The following CIT variants were observed in gnomAD, a reference collection of about 807,000 sequenced individuals.
CIT encodes citron rho-interacting serine/threonine kinase, also known as citron Rho-interacting kinase.
In CIT, 79 loss-of-function variants were observed where a neutral mutation model predicts 272.7. That is an observed-to-expected ratio of 0.29 (90% CI 0.24 to 0.35). CIT has a LOEUF of 0.35. CIT is among the 10% of genes least tolerant of loss of function. The pLI, the probability that CIT is intolerant of heterozygous loss-of-function variation, is 1.00. For synonymous variants in CIT, 948 were observed against 995.6 expected, an observed-to-expected ratio of 0.95 and a Z score of 0.90; for missense variants, 1,909 against 2,618.3, an observed-to-expected ratio of 0.73 and a Z score of 5.91.
At chr12:119,720,453 C>G (rs756411514) in intron 30 of CIT, 25 bp downstream of exon 30, 3 of 1,528,236 alleles carry the variant, frequency 2.0e-6, no homozygotes, top group Non-Finnish European at 2.7e-6. Context: ...CTGACAATTC[C>G]CACTTTTCAA....
At chr12:119,859,092 T>C in intron 3 of CIT, among the ~76,000 whole-genome samples, 1 of 152,198 alleles carries the variant, frequency 6.6e-6, no homozygotes, top group East Asian at 1.9e-4. Context: ...TCGCTAAATG[T>C]ACGATGACTC....
chr12:119,783,328 T>C (rs764568251), intron 12 of CIT: 2 of 152,294 alleles, frequency 1.3e-5, no homozygotes, highest in Non-Finnish European at 2.9e-5. Flanking sequence ...CTTGAGACTG[T>C]TTAATTGGGC....
intron 46 of CIT, among the ~76,000 whole-genome samples, chr12:119,695,908 T>A (rs968369420): frequency 6.6e-6 from 1 of 152,260 alleles, no homozygotes; most frequent in African/African-American, 2.4e-5. Flanking sequence ...ATAGCTGTTA[T>A]ACTATATTGT....
intron 9 of CIT, among the ~76,000 whole-genome samples, chr12:119,815,863 TG>T (rs1816775237): frequency 6.6e-6 from 1 of 151,950 alleles, no homozygotes; most frequent in South Asian, 2.1e-4. Context: ...GGGCGTGGGG[TG>T]GGAAGGAGGC....
At chr12:119,806,259 C>T (rs1441289337) in intron 9 of CIT, among the ~76,000 whole-genome samples, 4 of 151,486 alleles carry the variant, frequency 2.6e-5, no homozygotes, top group Non-Finnish European at 5.9e-5. Context: ...GACAGCTAGT[C>T]GGTCAAGTAC....
chr12:119,782,812 T>A, intron 12 of CIT, 175 bp from the exon 13 acceptor site: 1 of 662,662 alleles, frequency 1.5e-6, no homozygotes, highest in South Asian at 2.2e-5. Context: ...TAAAACCCCT[T>A]GGTTCAAGAA....
At chr12:119,805,188 T>C (rs1240310698) in intron 9 of CIT, among the ~76,000 whole-genome samples, 2 of 152,194 alleles carry the variant, frequency 1.3e-5, no homozygotes, top group Non-Finnish European at 2.9e-5. Context: ...GGAGAGAGAT[T>C]TGCAGATGAT....
In CIT at chr12:119,784,477, T is replaced by G; in HGVS notation, c.1402-426A>C. ...GGAGATATTTATTCGTCTGCACTCTTAGGAGTCCCAGGCAAGCAGTGACTT... is the reference window on the plus strand; with the variant it reads ...GGAGATATTTATTCGTCTGCACTCTGAGGAGTCCCAGGCAAGCAGTGACTT... On this transcript the variant is annotated intron_variant, in intron 11 of 47. Transcript: ENST00000392521. This position sits in a 1 kb window ranked among gnomAD's most constrained non-coding sequence, Gnocchi z 4.7. The G allele has an allele frequency of 8.4e-7, 1 of 1,192,984 alleles. No homozygotes were observed. 73.9% of individuals were successfully genotyped at this position (1,192,984 alleles called of 1,614,324 possible).
chr12:119,870,426 C>T lies in CIT; in HGVS notation c.97-1225G>A, dbSNP rs146087670. Among the ~76,000 whole-genome samples the T allele has an allele frequency of 7.9e-3, 1,190 of 151,592 alleles. 13 individuals carry two copies. The highest frequency in any genetic ancestry group is 0.027 in the African/African-American group (1,122 of 41,344). ...TTAGCCAGGCGTGGTGGTAGGCACC[C>T]GTAATCCCAGCTACCTGGGAGGTTG... On this transcript the variant is annotated intron_variant, in intron 2 of 47. Coordinates refer to ENST00000392521, the MANE Select transcript of CIT (RefSeq NM_001206999.2).
rs145099937 is a variant in CIT, at chr12:119,710,177, G to A, written c.5071+74C>T. ...TCCTCTCTACTATTTTGTGTTTTAC[G>A]AGCATGAAACGTGGCTTCAACATAT... On this transcript the variant is annotated intron_variant, in intron 39 of 47. Transcript: ENST00000392521. The surrounding 1 kb of genome is among the most constrained non-coding windows in gnomAD (Gnocchi z 5.6). The A allele has an allele frequency of 1.7e-5, 26 of 1,524,712 alleles. No individual in the cohort carries two copies. Among genetic ancestry groups the A allele is most frequent in the South Asian group, 4.9e-5 (4 of 81,212 alleles). 94.4% of individuals were successfully genotyped at this position (1,524,712 alleles called of 1,614,324 possible).
chr12:119,720,910 G>C (rs1038424818), intron 29 of CIT, among the ~76,000 whole-genome samples: 3 of 152,182 alleles, frequency 2.0e-5, no homozygotes, highest in Non-Finnish European at 2.9e-5. Context: ...GCAGCACAAA[G>C]ATACTGACCA....
At chr12:119,689,434 ATATC>A (rs1222450233) in intron 47 of CIT, among the ~76,000 whole-genome samples, 2 of 151,968 alleles carry the variant, frequency 1.3e-5, no homozygotes, top group African/African-American at 2.4e-5. Context: ...GTGTGAATCT[ATATC>A]TATGTTTGAA....
rs1421541277 is a variant in CIT, at chr12:119,710,451, A to AAT, written c.4936-66_4936-65insAT. The AAT allele has an allele frequency of 3.1e-6, 5 of 1,612,864 alleles. No homozygotes were observed. Among genetic ancestry groups the AAT allele is most frequent in the Non-Finnish European group, 4.2e-6 (5 of 1,179,168 alleles). On this transcript the variant is annotated intron_variant, in intron 38 of 47. Transcript: ENST00000392521. This position sits in a 1 kb window ranked among gnomAD's most constrained non-coding sequence, Gnocchi z 5.6. Reference sequence around the variant, plus strand: ...TCACGTCACCAGAACAATCTCTAGTAAGAGCAACAAGGCCTCCACAGCCCT... The same window carrying AAT: ...TCACGTCACCAGAACAATCTCTAGTAATAGAGCAACAAGGCCTCCACAGCCCT...
intron 32 of CIT, among the ~76,000 whole-genome samples, chr12:119,717,467 C>T (rs1593459651): frequency 7.3e-6 from 1 of 137,650 alleles, no homozygotes; most frequent in East Asian, 2.2e-4. Context: ...ATCACCCAGG[C>T]TGGAGTGCAG....
chr12:119,850,457 AGGGAAG>A (rs1463583932), intron 4 of CIT, among the ~76,000 whole-genome samples, 182 bp from the exon 5 acceptor site: 2 of 146,964 alleles, frequency 1.4e-5, no homozygotes, highest in African/African-American at 5.0e-5. Flanking sequence ...AGGAAAGGGA[AGGGAAG>A]GGGAAGGGAA....
chr12:119,841,918 C>T (rs994391196), intron 5 of CIT, among the ~76,000 whole-genome samples: 3 of 152,228 alleles, frequency 2.0e-5, no homozygotes, highest in East Asian at 3.9e-4. Context: ...AGCAGCTAAG[C>T]ATGTACCTTA....
At chr12:119,777,239 G>C (rs574271848) in intron 13 of CIT, among the ~76,000 whole-genome samples, 3 of 146,296 alleles carry the variant, frequency 2.1e-5, no homozygotes, top group African/African-American at 7.6e-5. Flanking sequence ...TGGGTGACAG[G>C]GCAAGACTCC....
chr12:119,698,970 T>C (rs937327214), intron 44 of CIT, among the ~76,000 whole-genome samples: 1 of 152,044 alleles, frequency 6.6e-6, no homozygotes, highest in Non-Finnish European at 1.5e-5. Flanking sequence ...AAGACTAGGT[T>C]CGGGCTGGGC....
chr12:119,724,509 C>T (rs573560174), intron 28 of CIT, among the ~76,000 whole-genome samples: 2 of 152,064 alleles, frequency 1.3e-5, no homozygotes, highest in Non-Finnish European at 2.9e-5. Flanking sequence ...AGTATTTAGG[C>T]CAAGGTTCAA....
Sources: allele counts gnomAD v4.1 joint callset (sites outside exome capture counted in the v4.1 genomes callset), GRCh38; gene constraint gnomAD v4.1.1; non-coding constraint Gnocchi (gnomAD v3.1); transcripts MANE v1.5; gene names NCBI Gene and HGNC (gene_info 2026-07-23, HGNC 2026-07-21).